Variants in HTT observed in about 807,000 individuals in gnomAD.
HTT encodes huntingtin, also known as huntington disease protein.
In HTT, 104 loss-of-function variants were observed where a neutral mutation model predicts 362.3. That is an observed-to-expected ratio of 0.29 (90% CI 0.24 to 0.34). The LOEUF (loss-of-function observed/expected upper bound fraction) is 0.34, where lower values mean the gene tolerates loss of function less well. HTT is among the 10% of genes least tolerant of loss of function. The pLI is 1.00. For synonymous variants in HTT, 1,577 were observed against 1,548.7 expected (o/e 1.02, Z -0.43); for missense variants, 3,301 against 3,928.6 (o/e 0.84, Z 4.27).
intron 27 of HTT, among the ~76,000 whole-genome samples, 168 bp downstream of exon 27, chr4:3,154,587 G>A (rs1464645979): frequency 6.6e-6 from 1 of 152,256 alleles, no homozygotes; most frequent in Non-Finnish European, 1.5e-5. Flanking sequence ...AATGACTGAT[G>A]TACACAGACC....
chr4:3,129,606 G>A (rs953999220), intron 12 of HTT: 11 of 236,460 alleles, frequency 4.7e-5, no homozygotes, highest in Admixed American at 4.1e-4. Context: ...TTTCCAACTT[G>A]CTGTAAAATT....
chr4:3,078,727 C>T (rs577349537), intron 1 of HTT, among the ~76,000 whole-genome samples: 1 of 150,634 alleles, frequency 6.6e-6, no homozygotes, highest in African/African-American at 2.5e-5. Context: ...CACTGCCATG[C>T]CTGGGTAATT....
At chr4:3,096,818 A>C (rs928963306) in intron 2 of HTT, among the ~76,000 whole-genome samples, 2 of 152,226 alleles carry the variant, frequency 1.3e-5, no homozygotes, top group Non-Finnish European at 1.5e-5. Flanking sequence ...AAGCAAATGG[A>C]ATCCAGAGTT....
intron 40 of HTT, among the ~76,000 whole-genome samples, chr4:3,195,154 G>A (rs1351337174): frequency 6.6e-6 from 1 of 151,992 alleles, no homozygotes; most frequent in African/African-American, 2.4e-5. Context: ...GTCACTGTGT[G>A]GCGTGGAGAA....
At chr4:3,112,081 C>T (rs1428812856) in intron 6 of HTT, among the ~76,000 whole-genome samples, 1 of 152,182 alleles carries the variant, frequency 6.6e-6, no homozygotes, top group African/African-American at 2.4e-5. Flanking sequence ...CTGCTAATGT[C>T]CCTGTTCTGT....
chr4:3,214,282 C>T, intron 50 of HTT, 147 bp downstream of exon 50: 1 of 535,552 alleles, frequency 1.9e-6, no homozygotes. Context: ...AAGGGCTGGG[C>T]CCCATCTCTT....
At position 3,223,403 on chromosome 4, in the gene HTT, C is replaced by G. The variant is rs1354663850; in HGVS notation, c.7471-3C>G. 1 of 1,572,720 alleles carries G rather than the reference C, an allele frequency of 6.4e-7. No individual in the cohort carries two copies. The highest frequency in any genetic ancestry group is 1.4e-5 in the African/African-American group (1 of 73,628). ...CTTGTTGACATGTGGGCTCTCCTTC[C>G]AGGAAGACACAGAGAGGACCCAGAT... is the stretch of plus-strand genomic sequence containing the variant. On this transcript the variant is annotated splice_polypyrimidine_tract_variant and splice_region_variant and intron_variant, in intron 54 of 66. Coordinates refer to ENST00000355072, the MANE Select transcript of HTT (RefSeq NM_001388492.1).
intron 12 of HTT, chr4:3,129,096 T>A (rs932508049): frequency 6.6e-6 from 1 of 152,242 alleles, no homozygotes; most frequent in Non-Finnish European, 1.5e-5. Context: ...CTTCCTAATG[T>A]TTCAGGCCAA....
chr4:3,115,857 T>C (rs1237354367), intron 7 of HTT, among the ~76,000 whole-genome samples: 1 of 152,228 alleles, frequency 6.6e-6, no homozygotes, highest in Non-Finnish European at 1.5e-5. Context: ...GGACGTGCGA[T>C]ATGAAATAAC....
chr4:3,195,358 G>A (rs1472181834), intron 40 of HTT, among the ~76,000 whole-genome samples: 3 of 151,882 alleles, frequency 2.0e-5, no homozygotes, highest in Non-Finnish European at 4.4e-5. Context: ...CACGGCTTGC[G>A]GAGCTGCTGC....
In HTT at chr4:3,178,409, T is replaced by C. The variant is rs1718342421; in HGVS notation, c.4575T>C (p.Asp1525=). ...TTCCTAAAATCATTCAGCTCTGTGA[T>C]GGCATCATGGCCAGTGGAAGGAAGG... ...IGIPKIIQLC[D]GIMASGRKAV... Residue 1525 remains aspartate (D), a synonymous_variant, in exon 35 of 67, where the codon GAT becomes GAC. Transcript: ENST00000355072. 2 of 1,613,982 alleles carry C rather than the reference T, an allele frequency of 1.2e-6. No homozygotes were observed. The highest frequency in any genetic ancestry group is 2.2e-5 in the South Asian group (2 of 91,070).
In HTT at chr4:3,235,605, C is replaced by A. The variant is rs1721489369; in HGVS notation, c.8612C>A (p.Pro2871His). 2 of 1,613,818 alleles carry A rather than the reference C, an allele frequency of 1.2e-6. No individual in the cohort carries two copies. Among genetic ancestry groups the A allele is most frequent in the Non-Finnish European group, 1.7e-6 (2 of 1,180,034 alleles). ...VMLSGSEEST[P>H]SIIYHCALRG... Reference sequence around the variant, plus strand: ...CTGTCTGGAAGTGAGGAGTCCACCCCCTCCATCATTTACCACTGTGCCCTC... The same window carrying A: ...CTGTCTGGAAGTGAGGAGTCCACCCACTCCATCATTTACCACTGTGCCCTC... The change falls in exon 63 of 67, where the codon CCC becomes CAC. Residue 2871 changes from proline (P) to histidine (H), a missense_variant. Transcript: ENST00000355072.
intron 40 of HTT, among the ~76,000 whole-genome samples, chr4:3,193,774 T>G (rs1296083394): frequency 6.6e-6 from 1 of 152,230 alleles, no homozygotes; most frequent in Non-Finnish European, 1.5e-5. Flanking sequence ...AACTTAAATT[T>G]AAACAGCTCT....
intron 31 of HTT, among the ~76,000 whole-genome samples, chr4:3,173,691 C>T (rs1269630016): frequency 1.4e-5 from 2 of 147,390 alleles, no homozygotes; most frequent in Non-Finnish European, 3.0e-5. Flanking sequence ...TTTTTTGAGA[C>T]GGAGTCTTGC....
Position 3,154,378 on chromosome 4 carries a change from C to A in HTT, c.3584C>A (p.Ser1195Tyr), listed in dbSNP as rs1414497848. 1 of 1,613,986 alleles carries A rather than the reference C, an allele frequency of 6.2e-7. No homozygotes were observed. Among genetic ancestry groups the A allele is most frequent in the Admixed American group, 1.7e-5 (1 of 59,998 alleles). ...GAGAAAGAACCAGGAGAACAAGCATCTGTACCGTTGAGTCCCAAGAAAGGC... is the reference window on the plus strand; with the variant it reads ...GAGAAAGAACCAGGAGAACAAGCATATGTACCGTTGAGTCCCAAGAAAGGC... Reference protein sequence around the residue: ...GKEKEPGEQASVPLSPKKGSE... With the variant: ...GKEKEPGEQAYVPLSPKKGSE... The change falls in exon 27 of 67, where the codon TCT becomes TAT. Residue 1195 changes from serine to tyrosine, a missense_variant. By Grantham distance (144) the Ser-to-Tyr change is moderately radical. This residue lies in a region of HTT where 2,316 missense variants were observed against 2,658.5 expected (regional missense o/e 0.87). Transcript: ENST00000355072.
chr4:3,182,948 T>A (rs1718595135), intron 37 of HTT, among the ~76,000 whole-genome samples: 1 of 152,164 alleles, frequency 6.6e-6, no homozygotes, highest in African/African-American at 2.4e-5. Flanking sequence ...AGTCGTGTAA[T>A]CTCACTGCAA....
chr4:3,103,139 CAG>C (rs1234536958), intron 3 of HTT, among the ~76,000 whole-genome samples: 1 of 151,552 alleles, frequency 6.6e-6, no homozygotes, highest in African/African-American at 2.4e-5. Flanking sequence ...TATCATCCAA[CAG>C]AATGTTCTGC....
At chr4:3,229,670 TACACACCATAC>T (rs1399436037) in intron 59 of HTT, among the ~76,000 whole-genome samples, 17 of 151,678 alleles carry the variant, frequency 1.1e-4, no homozygotes, top group East Asian at 7.8e-4. Flanking sequence ...ACGCCACATG[TACACACCATAC>T]ACACACCATA....
chr4:3,238,372 G>A (rs949139172), intron 64 of HTT, 75 bp from the exon 65 acceptor site: 4 of 1,190,006 alleles, frequency 3.4e-6, no homozygotes, highest in Admixed American at 2.1e-5. Context: ...CAGTATTAGA[G>A]CCAAGGCCCT....
Sources: gnomAD v4.1 joint callset for allele counts (sites outside exome capture counted in the v4.1 genomes callset) on GRCh38, gnomAD v4.1.1 for gene constraint, gnomAD v4.1.1 regional missense constraint, MANE v1.5 for transcripts, NCBI Gene and HGNC (gene_info 2026-07-23, HGNC 2026-07-21) for gene names.